Variants in EGFR observed in about 807,000 individuals in gnomAD.
The protein encoded by EGFR is avian erythroblastic leukemia viral (v-erb-b) oncogene homolog.
EGFR carries 58 observed loss-of-function variants against 143.0 expected under a neutral mutation model. The ratio of observed to expected loss-of-function variants is 0.41; its 90% confidence interval spans 0.33 to 0.50. EGFR has a LOEUF of 0.50. EGFR is among the 20% of genes least tolerant of loss of function. The probability of loss-of-function intolerance (pLI) is 0.39; values close to 1 mark genes in which losing one functional copy is unlikely to be tolerated. For missense variants in EGFR, 1,307 were observed against 1,579.0 expected, an observed-to-expected ratio of 0.83 and a Z score of 2.92; for synonymous variants, 613 against 594.4, an observed-to-expected ratio of 1.03 and a Z score of -0.45.
intron 1 of EGFR, among the ~76,000 whole-genome samples, chr7:55,089,656 AC>A (rs1433780043): frequency 6.6e-6 from 1 of 152,196 alleles, no homozygotes; most frequent in Non-Finnish European, 1.5e-5. Flanking sequence ...CTCTTATGTT[AC>A]CCAACAACCA....
chr7:55,060,870 C>T (rs550579025), intron 1 of EGFR, among the ~76,000 whole-genome samples: 11 of 152,320 alleles, frequency 7.2e-5, no homozygotes, highest in African/African-American at 2.4e-4. Flanking sequence ...CGTCAAAAAT[C>T]ATGGACGTGC....
chr7:55,191,514 T>A (rs1787392512), intron 20 of EGFR, among the ~76,000 whole-genome samples: 1 of 152,134 alleles, frequency 6.6e-6, no homozygotes, highest in Non-Finnish European at 1.5e-5. Context: ...AGGAACTGGA[T>A]GGAGAAAAGT....
chr7:55,110,311 C>T (rs577296517), intron 1 of EGFR, among the ~76,000 whole-genome samples: 1 of 152,294 alleles, frequency 6.6e-6, no homozygotes, highest in South Asian at 2.1e-4. Flanking sequence ...AAAGGGGTCT[C>T]TGCAGACATG....
intron 1 of EGFR, among the ~76,000 whole-genome samples, chr7:55,044,925 T>C (rs1788102182): frequency 6.6e-6 from 1 of 152,334 alleles, no homozygotes; most frequent in South Asian, 2.1e-4. Flanking sequence ...GCTGTGTTCA[T>C]GGCCTTTGTT....
intron 20 of EGFR, among the ~76,000 whole-genome samples, chr7:55,186,571 T>C (rs909564117): frequency 6.6e-6 from 1 of 152,238 alleles, no homozygotes; most frequent in Non-Finnish European, 1.5e-5. Context: ...TTTTTATTTG[T>C]TCTTGCGTAT....
chr7:55,156,026 C>A, intron 8 of EGFR, 80 bp downstream of exon 8: 1 of 932,892 alleles, frequency 1.1e-6, no homozygotes, highest in Non-Finnish European at 1.7e-6. Context: ...CAAAGGAACA[C>A]ATCTTCCTCT....
intron 27 of EGFR, 62 bp from the exon 28 acceptor site, chr7:55,205,194 G>T (rs2128974951): frequency 6.2e-7 from 1 of 1,600,106 alleles, no homozygotes; most frequent in East Asian, 2.3e-5. Flanking sequence ...TCAGAACCCA[G>T]GGATCCTGCA....
rs1226845509 is a variant in EGFR, at chr7:55,207,898, CA to C, written c.*2282del. 1 of 152,210 alleles carries C rather than the reference CA, an allele frequency of 6.6e-6. No individual in the cohort carries two copies. The highest frequency in any genetic ancestry group is 2.4e-5 in the African/African-American group (1 of 41,440). The allele number at this position is 152,210 out of a possible 1,614,324, so 9.4% of individuals were successfully genotyped here. On this transcript the variant is annotated 3_prime_UTR_variant, in exon 28 of 28. Coordinates refer to ENST00000275493, the MANE Select transcript of EGFR (RefSeq NM_005228.5). ...AACCACTTTCATTATTCATTCACCT[CA>C]GGACATGCAGAAATATTTCAGTCAG... is the stretch of plus-strand genomic sequence containing the variant.
intron 1 of EGFR, among the ~76,000 whole-genome samples, chr7:55,075,505 A>G (rs1417628833): frequency 6.6e-6 from 1 of 152,188 alleles, no homozygotes; most frequent in Non-Finnish European, 1.5e-5. Context: ...AAATTTACCA[A>G]TCTGAATTTC....
chr7:55,068,578 G>A (rs990224489), intron 1 of EGFR, among the ~76,000 whole-genome samples: 8 of 152,304 alleles, frequency 5.3e-5, no homozygotes, highest in Admixed American at 2.0e-4. Flanking sequence ...GGGGGGCTCC[G>A]TGAGGATCTG....
At chr7:55,083,873 G>A (rs1790610582) in intron 1 of EGFR, among the ~76,000 whole-genome samples, 1 of 152,204 alleles carries the variant, frequency 6.6e-6, no homozygotes, top group African/African-American at 2.4e-5. Context: ...GTTTAAATGA[G>A]TGCCTCAGGT....
At chr7:55,142,177 A>G in intron 1 of EGFR, 109 bp from the exon 2 acceptor site, 2 of 1,344,476 alleles carry the variant, frequency 1.5e-6, no homozygotes, top group Non-Finnish European at 2.1e-6. Context: ...CTCTGTGTGG[A>G]GAGAGTGAAG....
chr7:55,042,571 GA>G, intron 1 of EGFR, among the ~76,000 whole-genome samples: 1 of 152,120 alleles, frequency 6.6e-6, no homozygotes, highest in Admixed American at 6.5e-5. Flanking sequence ...ATGGATGTGG[GA>G]AAAAGTCTCC....
intron 1 of EGFR, among the ~76,000 whole-genome samples, chr7:55,076,278 A>G (rs991554793): frequency 2.0e-5 from 3 of 152,206 alleles, no homozygotes; most frequent in African/African-American, 7.2e-5. Context: ...CGCATGTCAA[A>G]TATTCTTAAA....
At chr7:55,109,932 C>T (rs746944299) in intron 1 of EGFR, 113 of 985,266 alleles carry the variant, frequency 1.1e-4, no homozygotes, top group Non-Finnish European at 1.3e-4. Flanking sequence ...GACCTCTCCG[C>T]GCTGAGAAGG....
At chr7:55,089,275 C>G (rs140261709) in intron 1 of EGFR, among the ~76,000 whole-genome samples, 181 of 152,284 alleles carry the variant, frequency 1.2e-3, no homozygotes, top group African/African-American at 4.2e-3. Flanking sequence ...GGGGATTTAG[C>G]TTGTTCTGGG....
chr7:55,158,399 C>T (rs934850142), intron 11 of EGFR, among the ~76,000 whole-genome samples: 4 of 152,184 alleles, frequency 2.6e-5, no homozygotes, highest in African/African-American at 9.7e-5. Context: ...CCCTACTTGA[C>T]TCTTAAAGCA....
At chr7:55,201,817 G>A (rs776846070) in intron 26 of EGFR, 35 bp downstream of exon 26, 1 of 1,606,718 alleles carries the variant, frequency 6.2e-7, no homozygotes, top group South Asian at 1.1e-5. Context: ...AGAATTTACA[G>A]CTCTCCACTA....
chr7:55,165,020 G>T (rs1785895665), intron 14 of EGFR, among the ~76,000 whole-genome samples: 1 of 152,194 alleles, frequency 6.6e-6, no homozygotes, highest in Non-Finnish European at 1.5e-5. Context: ...TAAGCAGAAT[G>T]CAATAATGTA....
Sources: allele counts gnomAD v4.1 joint callset (sites outside exome capture counted in the v4.1 genomes callset), GRCh38; gene constraint gnomAD v4.1.1; transcripts MANE v1.5; gene names NCBI Gene and HGNC (gene_info 2026-07-23, HGNC 2026-07-21).